DNMT3A: variants seen among roughly 807,000 people sequenced by gnomAD.
DNMT3A encodes DNA methyltransferase 3 alpha, also known as DNA (cytosine-5)-methyltransferase 3A.
DNMT3A carries 267 observed loss-of-function variants against 117.6 expected under a neutral mutation model. That is an observed-to-expected ratio of 2.27 (90% CI 2.05 to 2.51). The LOEUF (loss-of-function observed/expected upper bound fraction) is 2.51, where lower values mean the gene tolerates loss of function less well. Among genes scored for constraint, DNMT3A ranks in the 30% most tolerant of loss-of-function variants. DNMT3A has a pLI of 0.00. For missense variants in DNMT3A, 1,029 were observed against 1,260.2 expected, an observed-to-expected ratio of 0.82 and a Z score of 2.78; for synonymous variants, 432 against 474.8, an observed-to-expected ratio of 0.91 and a Z score of 1.17.
In DNMT3A at chr2:25,333,974, T is replaced by C. The variant is rs552983486; in HGVS notation, c.-178+7852A>G. 3.9e-5 allele frequency among the ~76,000 whole-genome samples: 6 copies of C among 152,302 alleles called. 1 individual carries two copies. The highest frequency in any genetic ancestry group is 1.4e-4 in the African/African-American group (6 of 41,564). On this transcript the variant is annotated intron_variant, in intron 1 of 22. Coordinates refer to ENST00000321117, the MANE Select transcript of DNMT3A (RefSeq NM_022552.5). ...ACGCCTTTTTTGCCCTGCACATCTG[T>C]CCCCTACCAGCCTTGGATTAAACAG...
intron 2 of DNMT3A, among the ~76,000 whole-genome samples, chr2:25,303,097 A>G (rs1224830471): frequency 6.6e-6 from 1 of 152,102 alleles, no homozygotes; most frequent in Non-Finnish European, 1.5e-5. Flanking sequence ...ATTCTGGAAA[A>G]ACTCCTACTG....
At chr2:25,280,552 C>T (rs1411013619) in intron 4 of DNMT3A, among the ~76,000 whole-genome samples, 4 of 152,176 alleles carry the variant, frequency 2.6e-5, no homozygotes, top group Admixed American at 2.6e-4. Flanking sequence ...ACAGCCCAGG[C>T]CAACTCAGGT....
intron 3 of DNMT3A, among the ~76,000 whole-genome samples, chr2:25,291,887 G>A (rs915466510): frequency 6.6e-6 from 1 of 152,250 alleles, no homozygotes; most frequent in Admixed American, 6.5e-5. Flanking sequence ...TGGTCCACCT[G>A]GAAAAGGGCC....
intron 3 of DNMT3A, among the ~76,000 whole-genome samples, chr2:25,288,779 A>G (rs1179755794): frequency 2.0e-5 from 3 of 152,146 alleles, no homozygotes; most frequent in Non-Finnish European, 4.4e-5. Context: ...TCTCCATTCA[A>G]CACTAACTTC....
intron 6 of DNMT3A, among the ~76,000 whole-genome samples, chr2:25,260,595 C>T (rs549851097): frequency 7.9e-5 from 12 of 152,144 alleles, no homozygotes; most frequent in Non-Finnish European, 1.6e-4. Context: ...AATATTTATA[C>T]TGCCCACCAT....
rs1676273803 is a variant in DNMT3A, at chr2:25,257,661, TAATCACCTCGCC to T, written c.640-9421_640-9410del. Among the ~76,000 whole-genome samples, 1 of 152,188 alleles carries T rather than the reference TAATCACCTCGCC, an allele frequency of 6.6e-6. No individual in the cohort carries two copies. The highest frequency in any genetic ancestry group is 2.4e-5 in the African/African-American group (1 of 41,442). On this transcript the variant is annotated intron_variant, in intron 6 of 22. Coordinates refer to ENST00000321117, the MANE Select transcript of DNMT3A (RefSeq NM_022552.5). The surrounding 1 kb of genome is among the most constrained non-coding windows in gnomAD (Gnocchi z 4.8). ...TCCTTTCTTTTCACGAGGGCCTTGC[TAATCACCTCGCC>T]AGGAGAACCCCAGATTCACTTTGGT...
At position 25,234,122 on chromosome 2, in the gene DNMT3A, G is replaced by C; in HGVS notation, c.*157C>G. On this transcript the variant is annotated 3_prime_UTR_variant, in exon 23 of 23. Coordinates refer to ENST00000321117, the MANE Select transcript of DNMT3A (RefSeq NM_022552.5). This position sits in a 1 kb window ranked among gnomAD's most constrained non-coding sequence, Gnocchi z 4.5. Reference sequence around the variant, plus strand: ...CCTTTTCGCAAGGCAAAGCCCTCCGGTATTTCCGCCTCTGTGGTTTTTGTT... The same window carrying C: ...CCTTTTCGCAAGGCAAAGCCCTCCGCTATTTCCGCCTCTGTGGTTTTTGTT... 1 of 1,176,466 alleles carries C rather than the reference G, an allele frequency of 8.5e-7. No individual in the cohort carries two copies. Among genetic ancestry groups the C allele is most frequent in the Non-Finnish European group, 1.1e-6 (1 of 879,010 alleles). The allele number at this position is 1,176,466 out of a possible 1,614,324, so 72.9% of individuals were successfully genotyped here.
At chr2:25,279,707 G>A (rs537251094) in intron 4 of DNMT3A, among the ~76,000 whole-genome samples, 2 of 150,750 alleles carry the variant, frequency 1.3e-5, no homozygotes, top group South Asian at 4.2e-4. Flanking sequence ...ATTTTTTTGA[G>A]ATGGAGTCTC....
chr2:25,284,681 T>TA (rs2032162792), intron 3 of DNMT3A, among the ~76,000 whole-genome samples: 10 of 50,430 alleles, frequency 2.0e-4, no homozygotes, highest in African/African-American at 5.6e-4. Flanking sequence ...AAAAAGACTA[T>TA]ACAAAAAAAA....
intron 1 of DNMT3A, among the ~76,000 whole-genome samples, chr2:25,341,386 C>A (rs1423904069): frequency 6.9e-6 from 1 of 145,354 alleles, no homozygotes; most frequent in African/African-American, 2.5e-5. Flanking sequence ...GGGCTCCAGG[C>A]GGGGCCGCGG....
chr2:25,328,945 G>A (rs759089073), intron 1 of DNMT3A, among the ~76,000 whole-genome samples: 1 of 152,140 alleles, frequency 6.6e-6, no homozygotes, highest in Non-Finnish European at 1.5e-5. Context: ...TCCCCACACC[G>A]TCCATGGCCA....
rs1675066644 is a variant in DNMT3A at position 25,248,116 on chromosome 2, GC to G, written c.775del (p.Ala259LeufsTer57). The G allele has an allele frequency of 1.2e-6, 2 of 1,613,518 alleles. No individual in the cohort carries two copies. Among genetic ancestry groups the G allele is most frequent in the Non-Finnish European group, 1.7e-6 (2 of 1,179,978 alleles). On this transcript the variant is annotated frameshift_variant, in exon 7 of 23. Transcript: ENST00000321117. LOFTEE classifies it high-confidence loss of function. ...QPTDPASPTV[A>X]TTPEPVGSDA... ...GGACCCCACGGGCTCAGGCGTGGTA[GC>G]CACAGTGGGGGATGCGGGGTCAGTG...
At chr2:25,340,483 G>A (rs956924936) in intron 1 of DNMT3A, among the ~76,000 whole-genome samples, 3 of 152,022 alleles carry the variant, frequency 2.0e-5, no homozygotes, top group African/African-American at 7.2e-5. Context: ...CCAGGGGCGG[G>A]CCCTGGACCC....
chr2:25,281,619 G>A lies in DNMT3A; in HGVS notation c.448+822C>T, dbSNP rs1219728002. The A allele has an allele frequency of 7.5e-6, 8 of 1,065,010 alleles. No homozygotes were observed. The highest frequency in any genetic ancestry group is 9.1e-6 in the Non-Finnish European group (8 of 879,024). 66.0% of individuals were successfully genotyped at this position (1,065,010 alleles called of 1,614,324 possible). ...TGCACATATGCAAAACAACCTGGCA[G>A]GGCCCTGGGAGGATCAAATGTGATA... On this transcript the variant is annotated intron_variant, in intron 4 of 22. Coordinates refer to ENST00000321117, the MANE Select transcript of DNMT3A (RefSeq NM_022552.5). This position sits in a 1 kb window ranked among gnomAD's most constrained non-coding sequence, Gnocchi z 4.8.
chr2:25,308,567 C>T (rs1190699884), intron 2 of DNMT3A, among the ~76,000 whole-genome samples: 1 of 152,150 alleles, frequency 6.6e-6, no homozygotes, highest in African/African-American at 2.4e-5. Flanking sequence ...CTCCTAACTC[C>T]CCCGAGATCA....
intron 4 of DNMT3A, among the ~76,000 whole-genome samples, chr2:25,275,952 T>G (rs1177698776): frequency 6.6e-6 from 1 of 151,632 alleles, no homozygotes; most frequent in Admixed American, 6.6e-5. Flanking sequence ...GAGGAGGGGG[T>G]GCAGGAAGGC....
intron 6 of DNMT3A, among the ~76,000 whole-genome samples, chr2:25,255,244 T>G (rs982105549): frequency 1.3e-5 from 2 of 152,166 alleles, no homozygotes; most frequent in African/African-American, 4.8e-5. Flanking sequence ...AAAAATCCCC[T>G]TACTAAAATG....
chr2:25,291,334 C>A (rs1341279341), intron 3 of DNMT3A, among the ~76,000 whole-genome samples: 2 of 152,254 alleles, frequency 1.3e-5, no homozygotes, highest in Non-Finnish European at 2.9e-5. Flanking sequence ...CTTCCGGCAG[C>A]CCCCTTTCCC....
intron 16 of DNMT3A, 45 bp from the exon 17 acceptor site, chr2:25,241,752 T>C: frequency 6.2e-7 from 1 of 1,603,190 alleles, no homozygotes; most frequent in Non-Finnish European, 8.5e-7. Flanking sequence ...GCCATCTCCC[T>C]GGCACCCTGG....
Sources: gnomAD v4.1 joint callset for allele counts (sites outside exome capture counted in the v4.1 genomes callset) on GRCh38, gnomAD v4.1.1 for gene constraint, Gnocchi (gnomAD v3.1) non-coding constraint, MANE v1.5 for transcripts, NCBI Gene and HGNC (gene_info 2026-07-23, HGNC 2026-07-21) for gene names.